Variants in SLBP observed in about 807,000 individuals in gnomAD.
The protein encoded by SLBP is histone RNA hairpin-binding protein.
SLBP carries 29 observed loss-of-function variants against 39.2 expected under a neutral mutation model. The ratio of observed to expected loss-of-function variants is 0.74; its 90% CI spans 0.55 to 1.01. SLBP has a LOEUF of 1.01. SLBP is among the 50% of genes least tolerant of loss of function. The probability of loss-of-function intolerance (pLI) is 0.00; values close to 1 mark genes in which losing one functional copy is unlikely to be tolerated. For synonymous variants in SLBP, 129 were observed against 118.7 expected (o/e 1.09, Z -0.57); for missense variants, 390 against 350.2 (o/e 1.11, Z -0.91).
At chr4:1,701,150 T>C (rs962885974) in intron 3 of SLBP, among the ~76,000 whole-genome samples, 2 of 147,258 alleles carry the variant, frequency 1.4e-5, no homozygotes, top group South Asian at 2.2e-4. Flanking sequence ...TTTTTTCTTT[T>C]TTTTTTTTTT....
Position 1,711,890 on chromosome 4 carries a change from C to A in SLBP, c.160G>T (p.Glu54Ter), listed in dbSNP as rs1415886176. 1 of 1,357,464 alleles carries A rather than the reference C, an allele frequency of 7.4e-7. No homozygotes were observed. Among genetic ancestry groups the A allele is most frequent in the Non-Finnish European group, 9.5e-7 (1 of 1,054,478 alleles). 84.1% of individuals were successfully genotyped at this position (1,357,464 alleles called of 1,614,324 possible). The change falls in exon 2 of 8, where the codon GAG becomes TAG. Residue 54 changes from glutamate (E) to a stop codon, truncating the protein, a stop_gained. Transcript: ENST00000489418. LOFTEE classifies it high-confidence loss of function. ...DAEEAEHRGA[E>*]RRPESFTTPE... Reference sequence around the variant, plus strand: ...CGCGCCCACCTCTCGGGTCTGCGCTCGGCGCCGCGGTGCTCTGCCTCCTCG... The same window carrying A: ...CGCGCCCACCTCTCGGGTCTGCGCTAGGCGCCGCGGTGCTCTGCCTCCTCG...
At chr4:1,694,582 G>C (rs1208946279) in intron 7 of SLBP, among the ~76,000 whole-genome samples, 192 bp downstream of exon 7, 1 of 150,904 alleles carries the variant, frequency 6.6e-6, no homozygotes, top group African/African-American at 2.4e-5. Context: ...GTAGAAACAG[G>C]GTTTCACCAT....
chr4:1,711,795 G>T, intron 2 of SLBP, 79 bp downstream of exon 2: 3 of 730,356 alleles, frequency 4.1e-6, no homozygotes, highest in Non-Finnish European at 1.9e-6. Flanking sequence ...CCGGCACCGC[G>T]AGAGCGCGAC....
chr4:1,695,196 G>T (rs1367206398), intron 6 of SLBP, among the ~76,000 whole-genome samples: 2 of 152,188 alleles, frequency 1.3e-5, no homozygotes, highest in Non-Finnish European at 2.9e-5. Flanking sequence ...CTCAGAGAAT[G>T]GGACAATGGT....
At chr4:1,694,644 G>A (rs976556765) in intron 7 of SLBP, 130 bp downstream of exon 7, 1 of 689,156 alleles carries the variant, frequency 1.5e-6, no homozygotes, top group Non-Finnish European at 2.7e-6. Flanking sequence ...GCCTGCCTTG[G>A]CCTCCCAAGG....
intron 2 of SLBP, among the ~76,000 whole-genome samples, chr4:1,705,417 C>T (rs943602148): frequency 8.5e-5 from 13 of 152,204 alleles, no homozygotes; most frequent in Non-Finnish European, 1.6e-4. Context: ...AAAACTTATC[C>T]AGCCCACCCC....
intron 5 of SLBP, 108 bp downstream of exon 5, chr4:1,699,456 G>C: frequency 1.0e-6 from 1 of 1,000,242 alleles, no homozygotes; most frequent in Non-Finnish European, 1.5e-6. Flanking sequence ...ATAGCTCTTA[G>C]CAGGTGTGAA....
intron 4 of SLBP, 144 bp from the exon 5 acceptor site, chr4:1,699,845 G>C: frequency 1.2e-6 from 1 of 845,916 alleles, no homozygotes; most frequent in East Asian, 2.6e-5. Flanking sequence ...TCCGGAGACT[G>C]CATGTATGGG....
rs1167034218 is a variant in SLBP, at chr4:1,704,326, G to C, written c.177-626C>G. On this transcript the variant is annotated intron_variant, in intron 2 of 7. Coordinates refer to ENST00000489418, the MANE Select transcript of SLBP (RefSeq NM_006527.4). ...CAGCTTCAGTTCTGGCATTTCTATG[G>C]GTTAACCTTATCTCATTGATCCAAC... Among the ~76,000 whole-genome samples the C allele has an allele frequency of 2.0e-5, 3 of 152,036 alleles. No homozygotes were observed. The East Asian group carries it at 5.8e-4, about 29-fold the overall frequency.
intron 2 of SLBP, among the ~76,000 whole-genome samples, chr4:1,705,877 A>C (rs7671282): frequency 0.019 from 2,965 of 152,284 alleles, 89 homozygotes; most frequent in African/African-American, 0.068. Flanking sequence ...TCCCAGCTAC[A>C]CAGGAGGCCC....
rs745481375 is a variant in SLBP at position 1,703,716 on chromosome 4, A to G, written c.177-16T>C. On this transcript the variant is annotated splice_polypyrimidine_tract_variant and intron_variant, in intron 2 of 7. Transcript: ENST00000489418. ...AGTGGTAAAGCTGCAATAAAAGGAA[A>G]ATGCTACTGAACCATGACACATACT... The G allele has an allele frequency of 6.7e-7, 1 of 1,497,066 alleles. No individual in the cohort carries two copies. Among genetic ancestry groups the G allele is most frequent in the Admixed American group, 1.7e-5 (1 of 59,892 alleles). 92.7% of individuals were successfully genotyped at this position (1,497,066 alleles called of 1,614,324 possible). A position where few individuals can be genotyped will look rare whatever the true frequency, so the allele number is the denominator to read the frequency against.
At chr4:1,703,411 C>T (rs1052156986) in intron 3 of SLBP, among the ~76,000 whole-genome samples, 185 bp downstream of exon 3, 3 of 152,032 alleles carry the variant, frequency 2.0e-5, no homozygotes. Flanking sequence ...GGCCAGGCCC[C>T]ACCCCATTCG....
intron 3 of SLBP, among the ~76,000 whole-genome samples, chr4:1,701,817 G>GA (rs1446963263): frequency 1.3e-5 from 2 of 152,176 alleles, no homozygotes; most frequent in Admixed American, 6.5e-5. Context: ...TGAGGCAGGA[G>GA]AATCGCTTGA....
chr4:1,703,234 CAAA>C (rs56203431), intron 3 of SLBP, among the ~76,000 whole-genome samples: 43 of 47,084 alleles, frequency 9.1e-4, no homozygotes, highest in Admixed American at 2.9e-3. Flanking sequence ...GAGACTGTCT[CAAA>C]AAAAAAAAAA....
intron 7 of SLBP, among the ~76,000 whole-genome samples, 181 bp downstream of exon 7, chr4:1,694,593 G>C (rs1361967672): frequency 5.9e-5 from 9 of 151,652 alleles, no homozygotes; most frequent in Admixed American, 5.9e-4. Flanking sequence ...GTTTCACCAT[G>C]TTGGCCAGGC....
At chr4:1,694,896 C>T (rs1009939149) in intron 6 of SLBP, 56 bp from the exon 7 acceptor site, 18 of 1,224,828 alleles carry the variant, frequency 1.5e-5, no homozygotes, top group African/African-American at 3.0e-5. Context: ...AGCCAGGAGA[C>T]GGGGCGCTAC....
chr4:1,710,301 C>G (rs76219400), intron 2 of SLBP, among the ~76,000 whole-genome samples: 17,955 of 152,258 alleles, frequency 0.12, 1,467 homozygotes, highest in Non-Finnish European at 0.18. Flanking sequence ...CTTCTCTAAG[C>G]AGCTTCTCAA....
rs1716426847 is a variant in SLBP, at chr4:1,703,978, AC to A, written c.177-279del. 6.6e-5 allele frequency among the ~76,000 whole-genome samples: 10 copies of A among 152,298 alleles called. No individual in the cohort carries two copies. In the South Asian group the frequency reaches 2.1e-3, roughly 32 times the overall value. ...CCATACTAAACTGGAGTTTAGCAGG[AC>A]AAAAGCAAACTAGATGTAGAACATA... On this transcript the variant is annotated intron_variant, in intron 2 of 7. Coordinates refer to ENST00000489418, the MANE Select transcript of SLBP (RefSeq NM_006527.4).
chr4:1,693,825 G>A, intron 7 of SLBP, 112 bp from the exon 8 acceptor site: 1 of 703,948 alleles, frequency 1.4e-6, no homozygotes, highest in Non-Finnish European at 2.6e-6. Flanking sequence ...GCACAGCAAG[G>A]TGTACACTTC....
Sources: allele counts gnomAD v4.1 joint callset (sites outside exome capture counted in the v4.1 genomes callset), GRCh38; gene constraint gnomAD v4.1.1; transcripts MANE v1.5; gene names NCBI Gene and HGNC (gene_info 2026-07-23, HGNC 2026-07-21).